The following AFAP1 variants were observed in gnomAD, a reference collection of about 807,000 sequenced individuals.
The protein encoded by AFAP1 is actin filament-associated protein 1.
Under a neutral mutation model 93.9 loss-of-function variants are expected in AFAP1, and 75 were observed. The ratio of observed to expected loss-of-function variants is 0.80; its 90% confidence interval spans 0.66 to 0.97. AFAP1 has a LOEUF of 0.97. Ranked by LOEUF, AFAP1 falls within the 50% of genes least tolerant of loss-of-function variation. AFAP1 has a pLI of 0.00. For synonymous variants in AFAP1, 517 were observed against 430.7 expected (o/e 1.20, Z -2.48); for missense variants, 1,201 against 1,050.8 (o/e 1.14, Z -1.98).
chr4:7,816,026 T>C lies in AFAP1; in HGVS notation c.896A>G (p.Lys299Arg). The C allele has an allele frequency of 6.2e-7, 1 of 1,612,402 alleles. No individual in the cohort carries two copies. Among genetic ancestry groups the C allele is most frequent in the Non-Finnish European group, 8.5e-7 (1 of 1,179,342 alleles). The stretch of plus-strand genomic sequence containing the variant: ...GCACAAGCAGAACTCACCTTGCTCC[T>C]TTCCATTACATGTGGTAATTCCATT... ...VENGITTCNG[K>R]EQVKRKKSSK... The change falls in exon 8 of 18, where the codon AAG becomes AGG. Residue 299 changes from lysine (K) to arginine (R), a missense_variant. By Grantham distance (26) the Lys-to-Arg change is conservative. Coordinates refer to ENST00000420658, the MANE Select transcript of AFAP1 (RefSeq NM_001134647.2).
intron 1 of AFAP1, among the ~76,000 whole-genome samples, chr4:7,903,028 T>A (rs570713037): frequency 6.6e-6 from 1 of 152,260 alleles, no homozygotes; most frequent in East Asian, 1.9e-4. Context: ...CTGCGCCACC[T>A]CCCTCCAGGC....
intron 3 of AFAP1, among the ~76,000 whole-genome samples, chr4:7,866,699 A>G (rs1287631071): frequency 6.6e-6 from 1 of 152,202 alleles, no homozygotes; most frequent in Non-Finnish European, 1.5e-5. Context: ...CTTTTAAAAT[A>G]ACAATGCTAT....
chr4:7,807,183 C>T (rs1473992947), intron 9 of AFAP1, among the ~76,000 whole-genome samples: 1 of 142,296 alleles, frequency 7.0e-6, no homozygotes, highest in Non-Finnish European at 1.5e-5. Context: ...TTTCTATTTC[C>T]TCCACTGACC....
At chr4:7,790,294 C>T (rs577017495) in intron 11 of AFAP1, among the ~76,000 whole-genome samples, 159 of 152,208 alleles carry the variant, frequency 1.0e-3, no homozygotes, top group Non-Finnish European at 1.6e-3. Flanking sequence ...AAGACTTTAA[C>T]GAGGTAGAAA....
intron 1 of AFAP1, among the ~76,000 whole-genome samples, chr4:7,883,895 A>G (rs1333177708): frequency 1.3e-5 from 2 of 152,230 alleles, no homozygotes; most frequent in East Asian, 3.9e-4. Flanking sequence ...TCCCCAAGTT[A>G]ACAAATATAT....
chr4:7,861,273 A>T (rs191032946), intron 3 of AFAP1, among the ~76,000 whole-genome samples: 1 of 152,342 alleles, frequency 6.6e-6, no homozygotes, highest in African/African-American at 2.4e-5. Context: ...GTATTTCAGC[A>T]GCACCCTACG....
intron 1 of AFAP1, among the ~76,000 whole-genome samples, chr4:7,884,711 A>G (rs1053197962): frequency 2.0e-5 from 3 of 152,242 alleles, no homozygotes; most frequent in African/African-American, 7.2e-5. Flanking sequence ...CCAAACAGAA[A>G]AAAATGAAAC....
intron 1 of AFAP1, among the ~76,000 whole-genome samples, chr4:7,872,939 T>TTAAA (rs1491435545): frequency 9.1e-6 from 1 of 110,006 alleles, no homozygotes; most frequent in Non-Finnish European, 1.8e-5. Context: ...TTTTTTTTTT[T>TTAAA]AAAAAAAAAA....
rs1713263888 is a variant in AFAP1 at position 7,843,191 on chromosome 4, C to T, written c.494G>A (p.Arg165Gln). 6.2e-6 allele frequency: 10 copies of T among 1,614,176 alleles called. No individual in the cohort carries two copies. Among genetic ancestry groups the T allele is most frequent in the Non-Finnish European group, 8.5e-6 (10 of 1,180,032 alleles). Reference sequence around the variant, plus strand: ...GAGCAACTTGGTCCACTGGCCGAACCGCTTCTTCCGCAGCAGGAAGGCGCA... The same window carrying T: ...GAGCAACTTGGTCCACTGGCCGAACTGCTTCTTCCGCAGCAGGAAGGCGCA... ...KICAFLLRKK[R>Q]FGQWTKLLCV... Residue 165 changes from arginine (R) to glutamine (Q), a missense_variant, in exon 5 of 18, where the codon CGG (arginine) becomes CAG (glutamine). Coordinates refer to ENST00000420658, the MANE Select transcript of AFAP1 (RefSeq NM_001134647.2).
chr4:7,896,628 C>CA (rs1718790368), intron 1 of AFAP1, among the ~76,000 whole-genome samples: 1 of 48,276 alleles, frequency 2.1e-5, no homozygotes, highest in Admixed American at 1.5e-4. Context: ...TCACTCCCCA[C>CA]ACACCCAGGG....
rs539447745 is a variant in AFAP1, at chr4:7,799,488, G to A, written c.1266+954C>T. Among the ~76,000 whole-genome samples, 41 of 152,324 alleles carry A rather than the reference G, an allele frequency of 2.7e-4. No individual in the cohort carries two copies. In the Middle Eastern group the frequency reaches 0.017, roughly 63 times the overall value. ...CCGATGAGTGTCACTGTGCACGCAT[G>A]TAGAGCCGGCTCCCACACCAGGTGA... On this transcript the variant is annotated intron_variant, in intron 10 of 17. Coordinates refer to ENST00000420658, the MANE Select transcript of AFAP1 (RefSeq NM_001134647.2).
chr4:7,836,690 C>T (rs184056902), intron 6 of AFAP1, among the ~76,000 whole-genome samples: 6 of 152,266 alleles, frequency 3.9e-5, no homozygotes, highest in Admixed American at 1.3e-4. Flanking sequence ...CTCAAGCTAT[C>T]GGCCCACCTT....
intron 8 of AFAP1, among the ~76,000 whole-genome samples, chr4:7,810,394 A>G (rs1166371924): frequency 6.6e-6 from 1 of 152,220 alleles, no homozygotes; most frequent in Non-Finnish European, 1.5e-5. Flanking sequence ...CCGTCCAGGT[A>G]AGAAAAACAT....
At chr4:7,934,121 A>G (rs1338051889) in intron 1 of AFAP1, among the ~76,000 whole-genome samples, 1 of 152,228 alleles carries the variant, frequency 6.6e-6, no homozygotes, top group Non-Finnish European at 1.5e-5. Flanking sequence ...CAGAACAGAT[A>G]CAGTGAATTA....
At chr4:7,843,607 T>C (rs114440277) in intron 4 of AFAP1, 19,656 of 411,696 alleles carry the variant, frequency 0.048, 650 homozygotes, top group Non-Finnish European at 0.067. Flanking sequence ...CTGTTTCATA[T>C]GGACGGGACC....
At chr4:7,822,573 C>CT (rs1241517722) in intron 6 of AFAP1, among the ~76,000 whole-genome samples, 2 of 137,924 alleles carry the variant, frequency 1.5e-5, no homozygotes, top group African/African-American at 2.7e-5. Context: ...TGTCTTCTTT[C>CT]TTTTTCTTTT....
intron 1 of AFAP1, among the ~76,000 whole-genome samples, chr4:7,921,474 C>T (rs970281408): frequency 6.1e-5 from 5 of 82,594 alleles, no homozygotes; most frequent in Non-Finnish European, 9.0e-5. Flanking sequence ...CATGAGCCAC[C>T]GCACCTGGCC....
chr4:7,921,143 T>C (rs1253361248), intron 1 of AFAP1, among the ~76,000 whole-genome samples: 1 of 150,850 alleles, frequency 6.6e-6, no homozygotes, highest in Non-Finnish European at 1.5e-5. Context: ...CTAATCTCTC[T>C]CAGCTTCAGT....
intron 4 of AFAP1, among the ~76,000 whole-genome samples, chr4:7,852,201 C>G (rs1237929643): frequency 6.6e-6 from 1 of 152,166 alleles, no homozygotes; most frequent in South Asian, 2.1e-4. Flanking sequence ...AGCCCAGATT[C>G]ACAGCCCAAG....
Sources: gnomAD v4.1 joint callset for allele counts (sites outside exome capture counted in the v4.1 genomes callset) on GRCh38, gnomAD v4.1.1 for gene constraint, MANE v1.5 for transcripts, NCBI Gene and HGNC (gene_info 2026-07-23, HGNC 2026-07-21) for gene names.